Variants in FGB observed in about 807,000 individuals in gnomAD.
The protein encoded by FGB is fibrinogen beta chain, also known as beta-fibrinogen.
Under a neutral mutation model 57.9 loss-of-function variants are expected in FGB, and 25 were observed. The observed-to-expected ratio is 0.43, with a 90% CI of 0.31 to 0.60. The LOEUF (loss-of-function observed/expected upper bound fraction) is 0.60. Ranked by LOEUF, FGB falls within the 20% of genes least tolerant of loss-of-function variation. FGB has a pLI of 0.08. For missense variants in FGB, 536 were observed against 598.4 expected, an observed-to-expected ratio of 0.90 and a Z score of 1.09; for synonymous variants, 203 against 199.2, an observed-to-expected ratio of 1.02 and a Z score of -0.16.
chr4:154,566,867 G>A, intron 3 of FGB, 195 bp downstream of exon 3: 1 of 591,746 alleles, frequency 1.7e-6, no homozygotes, highest in Admixed American at 2.9e-5. Flanking sequence ...ACATCAGCAA[G>A]TGTGATTTTC....
chr4:154,568,547 A>C, intron 5 of FGB, 53 bp downstream of exon 5: 1 of 1,023,488 alleles, frequency 9.8e-7, no homozygotes, highest in Non-Finnish European at 1.5e-6. Context: ...TGGATACCGT[A>C]AAATGCCAGG....
chr4:154,569,605 C>T lies in FGB; in HGVS notation c.1050C>T (p.Asp350=), dbSNP rs547765642. The part of the protein sequence containing the change: ...LLIEMEDWKG[D]KVKAHYGGFT... ...TAGAAATGGAGGACTGGAAAGGAGA[C>T]AAAGTAAAGGCTCACTATGGAGGAT... Residue 350 remains aspartate (D), a synonymous_variant, in exon 7 of 8, where the codon GAC becomes GAT. Coordinates refer to ENST00000302068, the MANE Select transcript of FGB (RefSeq NM_005141.5). 3.5e-5 allele frequency: 56 copies of T among 1,613,930 alleles called. 1 individual carries two copies. The South Asian group carries it at 6.0e-4, about 17-fold the overall frequency.
rs1187202914 is a variant in FGB at position 154,567,699 on chromosome 4, T to C, written c.597T>C (p.Arg199=). 1 of 1,613,976 alleles carries C rather than the reference T, an allele frequency of 6.2e-7. No homozygotes were observed. The highest frequency in any genetic ancestry group is 1.7e-5 in the Admixed American group (1 of 60,022). The change falls in exon 4 of 8, where the codon CGT becomes CGC. Residue 199 remains arginine, a synonymous_variant. Coordinates refer to ENST00000302068, the MANE Select transcript of FGB (RefSeq NM_005141.5). ...TCCCAACTAACCTTCGTGTGCTTCG[T>C]TCAATCCTGGAAAACCTGAGAAGCA... ...SNIPTNLRVL[R]SILENLRSKI...
intron 1 of FGB, among the ~76,000 whole-genome samples, chr4:154,563,410 C>G (rs1172058233): frequency 6.6e-6 from 1 of 151,794 alleles, no homozygotes; most frequent in Non-Finnish European, 1.5e-5. Flanking sequence ...ATTCTGAGTA[C>G]TGTGATTTTC....
At chr4:154,566,807 T>C (rs544183073) in intron 3 of FGB, 135 bp downstream of exon 3, 3 of 805,464 alleles carry the variant, frequency 3.7e-6, no homozygotes, top group Non-Finnish European at 4.2e-6. Flanking sequence ...TTGGGCACCT[T>C]CCCCTGCAAC....
chr4:154,569,521 T>G lies in FGB; in HGVS notation c.966T>G (p.Tyr322Ter). The G allele has an allele frequency of 6.2e-7, 1 of 1,611,734 alleles. No individual in the cohort carries two copies. Among genetic ancestry groups the G allele is most frequent in the Non-Finnish European group, 8.5e-7 (1 of 1,179,502 alleles). Residue 322 changes from tyrosine (Y) to a stop codon, truncating the protein, a stop_gained, in exon 7 of 8, where the codon TAT (tyrosine) becomes TAG (stop). Transcript: ENST00000302068. LOFTEE classifies it high-confidence loss of function. ...GKNYCGLPGEYWLGNDKISQL... is the reference protein window; with the variant it reads ...GKNYCGLPGE Reference sequence around the variant, plus strand: ...ATTTTGTTTTTCTTTTAGGTGAATATTGGCTTGGAAATGATAAAATTAGCC... The same window carrying G: ...ATTTTGTTTTTCTTTTAGGTGAATAGTGGCTTGGAAATGATAAAATTAGCC...
At chr4:154,569,425 A>T (rs1730316183) in intron 6 of FGB, 89 bp from the exon 7 acceptor site, 1 of 1,581,984 alleles carries the variant, frequency 6.3e-7, no homozygotes, top group Admixed American at 1.7e-5. Context: ...CCTGACAAAA[A>T]TGTGGAAGCT....
At chr4:154,567,485 G>C in intron 3 of FGB, 108 bp from the exon 4 acceptor site, 2 of 719,182 alleles carry the variant, frequency 2.8e-6, no homozygotes, top group East Asian at 5.4e-5. Flanking sequence ...CTTGGTGATA[G>C]CTCAGTGTTT....
chr4:154,568,348 A>C (rs1488328596), intron 4 of FGB, 33 bp from the exon 5 acceptor site: 1 of 1,087,538 alleles, frequency 9.2e-7, no homozygotes, highest in Non-Finnish European at 1.4e-6. Context: ...TATGTCATAA[A>C]CCCCTGAACA....
At chr4:154,568,328 A>T in intron 4 of FGB, 53 bp from the exon 5 acceptor site, 1 of 935,480 alleles carries the variant, frequency 1.1e-6, no homozygotes, top group Non-Finnish European at 1.8e-6. Context: ...GTGACTAAAT[A>T]CAAAGTAATT....
chr4:154,567,773 G>C lies in FGB; in HGVS notation c.671G>C (p.Arg224Pro). ...SDVSAQMEYC[R>P]TPCTVSCNIP... is the part of the protein sequence containing the mutation. Reference sequence around the variant, plus strand: ...GTCTCAGCTCAAATGGAATATTGTCGCACCCCATGCACTGTCAGTTGCAAT... The same window carrying C: ...GTCTCAGCTCAAATGGAATATTGTCCCACCCCATGCACTGTCAGTTGCAAT... The change falls in exon 4 of 8, where the codon CGC becomes CCC. Residue 224 changes from arginine (R) to proline (P), a missense_variant. Coordinates refer to ENST00000302068, the MANE Select transcript of FGB (RefSeq NM_005141.5). 1 of 1,613,938 alleles carries C rather than the reference G, an allele frequency of 6.2e-7. No homozygotes were observed. Among genetic ancestry groups the C allele is most frequent in the Non-Finnish European group, 8.5e-7 (1 of 1,179,940 alleles).
intron 1 of FGB, among the ~76,000 whole-genome samples, chr4:154,564,752 G>A (rs1240580207): frequency 6.8e-6 from 1 of 146,714 alleles, no homozygotes; most frequent in African/African-American, 2.5e-5. Flanking sequence ...AGGATGTATA[G>A]CTACTGACAA....
In FGB at chr4:154,570,981, A is replaced by C. The variant is rs559920720; in HGVS notation, c.*331A>C. ...AGGAAAACCATGACGGAAAGGAAAA[A>C]CTGATGTTTAAAAGTCCACTTTTAA... On this transcript the variant is annotated 3_prime_UTR_variant, in exon 8 of 8. Coordinates refer to ENST00000302068, the MANE Select transcript of FGB (RefSeq NM_005141.5). 1.0e-4 allele frequency: 37 copies of C among 360,272 alleles called. No individual in the cohort carries two copies. Among genetic ancestry groups the C allele is most frequent in the South Asian group, 6.4e-4 (25 of 39,340 alleles). The allele number at this position is 360,272 out of a possible 1,614,324, so 22.3% of individuals were successfully genotyped here. A position where few individuals can be genotyped will look rare whatever the true frequency, so the allele number is the denominator to read the frequency against.
rs1730386810 is a variant in FGB at position 154,570,678 on chromosome 4, T to C, written c.*28T>C. ...CCCAATACGTAGATTTTTGCTCTTC[T>C]GTATGTGACAACATTTTTGTACATT... is the stretch of plus-strand genomic sequence containing the variant. On this transcript the variant is annotated 3_prime_UTR_variant, in exon 8 of 8. Coordinates refer to ENST00000302068, the MANE Select transcript of FGB (RefSeq NM_005141.5). 2.6e-6 allele frequency: 4 copies of C among 1,533,024 alleles called. No individual in the cohort carries two copies. The highest frequency in any genetic ancestry group is 3.6e-6 in the Non-Finnish European group (4 of 1,106,774). 95.0% of individuals were successfully genotyped at this position (1,533,024 alleles called of 1,614,324 possible).
chr4:154,564,825 G>C (rs1730089053), intron 1 of FGB, among the ~76,000 whole-genome samples: 1 of 151,750 alleles, frequency 6.6e-6, no homozygotes, highest in African/African-American at 2.4e-5. Flanking sequence ...CGTATTTTCT[G>C]CTTCATTATC....
At position 154,571,782 on chromosome 4, in the gene FGB, C is replaced by T. The variant is rs888076492; in HGVS notation, c.*1132C>T. ...CTCAACACTTCACTCCAAGTCGCCA[C>T]GGGCAACCTTATGACCCTAGGTCCT... On this transcript the variant is annotated 3_prime_UTR_variant, in exon 8 of 8. Transcript: ENST00000302068. Among the ~76,000 whole-genome samples, 2 of 152,158 alleles carry T rather than the reference C, an allele frequency of 1.3e-5. No individual in the cohort carries two copies. The highest frequency in any genetic ancestry group is 2.9e-5 in the Non-Finnish European group (2 of 68,038).
Position 154,569,497 on chromosome 4 carries a change from T to C in FGB, c.959-17T>C, listed in dbSNP as rs755324988. ...AAATTTTATTTTTGGTGAGATTTTA[T>C]TTTGTTTTTCTTTTAGGTGAATATT... On this transcript the variant is annotated splice_polypyrimidine_tract_variant and intron_variant, in intron 6 of 7. Transcript: ENST00000302068. 12 of 1,607,676 alleles carry C rather than the reference T, an allele frequency of 7.5e-6. 1 individual carries two copies. In the South Asian group the frequency reaches 1.3e-4, roughly 18 times the overall value.
chr4:154,567,524 G>A (rs1278336453), intron 3 of FGB, 69 bp from the exon 4 acceptor site: 1 of 931,020 alleles, frequency 1.1e-6, no homozygotes, highest in South Asian at 1.3e-5. Flanking sequence ...AATCAAAATT[G>A]TATAGTTAAA....
At chr4:154,569,410 A>G (rs992408393) in intron 6 of FGB, 103 bp downstream of exon 6, 5 of 1,583,224 alleles carry the variant, frequency 3.2e-6, no homozygotes, top group Non-Finnish European at 4.3e-6. Context: ...AGTTAAGAGG[A>G]GTTTCCTGAC....
Sources: gnomAD v4.1 joint callset for allele counts (sites outside exome capture counted in the v4.1 genomes callset) on GRCh38, gnomAD v4.1.1 for gene constraint, MANE v1.5 for transcripts, NCBI Gene and HGNC (gene_info 2026-07-23, HGNC 2026-07-21) for gene names.